NOC3L: variants seen among roughly 807,000 people sequenced by gnomAD.
NOC3L encodes the protein nucleolar complex protein 3 homolog.
NOC3L carries 85 observed loss-of-function variants against 102.5 expected under a neutral mutation model. The observed-to-expected ratio is 0.83, with a 90% CI of 0.70 to 0.99. The LOEUF (loss-of-function observed/expected upper bound fraction) is 0.99. Among genes scored for constraint, NOC3L ranks in the 50% least tolerant of loss-of-function variants. NOC3L has a pLI of 0.00. For missense variants in NOC3L, 878 were observed against 914.9 expected (o/e 0.96, Z 0.52); for synonymous variants, 303 against 309.4 (o/e 0.98, Z 0.22).
chr10:94,358,835 CACTT>C (rs544608279), intron 2 of NOC3L, among the ~76,000 whole-genome samples: 2 of 152,198 alleles, frequency 1.3e-5, no homozygotes, highest in Non-Finnish European at 2.9e-5. Flanking sequence ...TTCACTCCCT[CACTT>C]AGACTGCAAG....
intron 15 of NOC3L, 22 bp downstream of exon 15, chr10:94,340,411 C>G: frequency 6.4e-7 from 1 of 1,568,734 alleles, no homozygotes; most frequent in Non-Finnish European, 8.7e-7. Context: ...GCAAACAAAA[C>G]TTGATTAAGA....
rs550011595 is a variant in NOC3L, at chr10:94,361,569, C to G, written c.217+96G>C. The G allele has an allele frequency of 3.4e-6, 4 of 1,184,994 alleles. No homozygotes were observed. In the Admixed American group the frequency reaches 5.6e-5, roughly 16 times the overall value. 73.4% of individuals were successfully genotyped at this position (1,184,994 alleles called of 1,614,324 possible). A position where few individuals can be genotyped will look rare whatever the true frequency, so the allele number is the denominator to read the frequency against. On this transcript the variant is annotated intron_variant, in intron 2 of 20. Transcript: ENST00000371361. ...TACCCACTCTAGGAAGATCTGAGAA[C>G]AAGAAAAGCGATTACTAGAAAGCAA...
chr10:94,319,858 G>A, the NOC3L span, among the ~76,000 whole-genome samples: 2 of 130,952 alleles, frequency 1.5e-5, no homozygotes, highest in African/African-American at 2.9e-5. Context: ...GAGGCTCAAA[G>A]GTGCTCTTTT....
chr10:94,325,423 C>T, the NOC3L span: 2 of 284,532 alleles, frequency 7.0e-6, no homozygotes, highest in African/African-American at 4.4e-5. Flanking sequence ...TGGAGAAACC[C>T]CGTCTCTACT....
intron 2 of NOC3L, among the ~76,000 whole-genome samples, chr10:94,361,141 T>C (rs987967294): frequency 4.6e-5 from 7 of 152,246 alleles, no homozygotes; most frequent in Non-Finnish European, 8.8e-5. Context: ...TGACTCAAAA[T>C]AGTCATATTC....
chr10:94,341,691 A>G lies in NOC3L; in HGVS notation c.1626T>C (p.His542=). The change falls in exon 14 of 21, where the codon CAT becomes CAC. Residue 542 remains histidine, a synonymous_variant. Coordinates refer to ENST00000371361, the MANE Select transcript of NOC3L (RefSeq NM_022451.11). The part of the protein sequence containing the change: ...EFFDDLLVVL[H]TLIESGDLSY... ...TACTTACACCAGACTCAATGAGAGT[A>G]TGAAGAACTACTAACAGATCATCAA... is the stretch of plus-strand genomic sequence containing the variant. The G allele has an allele frequency of 6.5e-7, 1 of 1,546,172 alleles. No individual in the cohort carries two copies. The highest frequency in any genetic ancestry group is 8.8e-7 in the Non-Finnish European group (1 of 1,138,492).
At chr10:94,350,916 AC>A (rs1220434055) in intron 8 of NOC3L, among the ~76,000 whole-genome samples, 2 of 152,196 alleles carry the variant, frequency 1.3e-5, no homozygotes, top group East Asian at 3.9e-4. Flanking sequence ...TGAACTTAGT[AC>A]TAAAAAAAAC....
intron 7 of NOC3L, 100 bp downstream of exon 7, chr10:94,352,796 T>G (rs928824909): frequency 2.0e-6 from 2 of 1,015,530 alleles, no homozygotes; most frequent in African/African-American, 3.3e-5. Context: ...CACTCTAGTC[T>G]GGGCGACAGA....
chr10:94,344,722 C>A, intron 12 of NOC3L, 131 bp downstream of exon 12: 1 of 730,370 alleles, frequency 1.4e-6, no homozygotes, highest in East Asian at 2.6e-5. Context: ...GTTTCCCGCA[C>A]ATCACAAAAG....
At chr10:94,319,863 TC>T in the NOC3L span, among the ~76,000 whole-genome samples, 123 of 97,658 alleles carry the variant, frequency 1.3e-3, 1 homozygote, top group Non-Finnish European at 2.5e-3. Flanking sequence ...TCAAAGGTGC[TC>T]TTTTTTTTTT....
intron 19 of NOC3L, among the ~76,000 whole-genome samples, chr10:94,337,317 CA>C (rs1354312977): frequency 6.7e-6 from 1 of 150,226 alleles, no homozygotes; most frequent in Non-Finnish European, 1.5e-5. Flanking sequence ...TCCCTCTCCT[CA>C]TTTTTTTTTT....
At chr10:94,349,463 G>A (rs2054388876) in intron 9 of NOC3L, 85 bp from the exon 10 acceptor site, 2 of 1,262,226 alleles carry the variant, frequency 1.6e-6, no homozygotes, top group Non-Finnish European at 2.2e-6. Flanking sequence ...TTTGTTGTAG[G>A]GGGACTGTCC....
chr10:94,339,712 G>C, intron 17 of NOC3L, 27 bp downstream of exon 17: 1 of 1,579,974 alleles, frequency 6.3e-7, no homozygotes, highest in Non-Finnish European at 8.6e-7. Flanking sequence ...TAAGAACTTA[G>C]CTCTGTTCAT....
the NOC3L span, among the ~76,000 whole-genome samples, chr10:94,321,712 T>C: frequency 2.0e-5 from 3 of 151,788 alleles, no homozygotes; most frequent in South Asian, 4.2e-4. Flanking sequence ...AGAAGCACAG[T>C]AGTTTCCTCC....
the NOC3L span, chr10:94,316,586 G>C: frequency 1.9e-6 from 3 of 1,609,238 alleles, no homozygotes; most frequent in African/African-American, 4.0e-5. Flanking sequence ...TGTTACCACA[G>C]ACTATTTTTT....
Position 94,352,878 on chromosome 10 carries a change from C to T in NOC3L, c.858+18G>A. ...TAGTTATTTTAGATAGTAATTATAT[C>T]TAGCAATCTAGCATTACCTTAGTAG... On this transcript the variant is annotated intron_variant, in intron 7 of 20. Transcript: ENST00000371361. 4 of 1,595,924 alleles carry T rather than the reference C, an allele frequency of 2.5e-6. No individual in the cohort carries two copies. Among genetic ancestry groups the T allele is most frequent in the Non-Finnish European group, 3.4e-6 (4 of 1,169,752 alleles).
downstream of NOC3L, chr10:94,329,657 A>G (rs1320779735): frequency 6.6e-6 from 1 of 152,202 alleles, no homozygotes; most frequent in Non-Finnish European, 1.5e-5. Flanking sequence ...ACGTGCCTGT[A>G]ATCCCAGCTA....
the NOC3L span, among the ~76,000 whole-genome samples, chr10:94,321,510 C>G: frequency 2.1e-3 from 324 of 152,202 alleles, 1 homozygote; most frequent in African/African-American, 7.5e-3. Context: ...CATCTGTAAT[C>G]CCAGCTAGTC....
rs1319568390 is a variant in NOC3L, at chr10:94,353,147, G to A, written c.697-90C>T. The A allele has an allele frequency of 2.4e-5, 25 of 1,047,746 alleles. No homozygotes were observed. In the East Asian group the frequency reaches 2.6e-4, roughly 11 times the overall value. 64.9% of individuals were successfully genotyped at this position (1,047,746 alleles called of 1,614,324 possible). ...CAGCCCCACATCCGGCAAAACAAGC[G>A]GAATTCACACAATGACTCCAAGTCT... On this transcript the variant is annotated intron_variant, in intron 6 of 20. Transcript: ENST00000371361.
Sources: allele counts gnomAD v4.1 joint callset (sites outside exome capture counted in the v4.1 genomes callset), GRCh38; gene constraint gnomAD v4.1.1; transcripts MANE v1.5; gene names NCBI Gene and HGNC (gene_info 2026-07-23, HGNC 2026-07-21).